Variants in MICU3 observed in about 807,000 individuals in gnomAD.
MICU3 encodes calcium uptake protein 3, mitochondrial.
A neutral mutation model predicts 66.5 loss-of-function variants in MICU3; 62 were observed. That is an observed-to-expected ratio of 0.93 (90% CI 0.76 to 1.15). The LOEUF (loss-of-function observed/expected upper bound fraction) is 1.15, where lower values mean the gene tolerates loss of function less well. MICU3 is among the 50% of genes most tolerant of loss of function. The pLI is 0.00. For missense variants in MICU3, 779 were observed against 664.4 expected, an observed-to-expected ratio of 1.17 and a Z score of -1.90; for synonymous variants, 308 against 240.7, an observed-to-expected ratio of 1.28 and a Z score of -2.59.
At chr8:17,090,441 C>A in intron 7 of MICU3, 105 bp from the exon 8 acceptor site, 1 of 867,280 alleles carries the variant, frequency 1.2e-6, no homozygotes, top group Non-Finnish European at 1.8e-6. Flanking sequence ...AATGATTTGC[C>A]CTTCCTAATT....
At chr8:17,058,282 G>A (rs709847) in intron 1 of MICU3, among the ~76,000 whole-genome samples, 1 of 152,054 alleles carries the variant, frequency 6.6e-6, no homozygotes, top group East Asian at 1.9e-4. Flanking sequence ...AGATATATTG[G>A]ATCTAGGTAA....
intron 11 of MICU3, among the ~76,000 whole-genome samples, chr8:17,110,652 C>T (rs1315590063): frequency 6.6e-6 from 1 of 152,064 alleles, no homozygotes; most frequent in Non-Finnish European, 1.5e-5. Flanking sequence ...TAGCCCCGAA[C>T]TCCTTGGCTC....
chr8:17,036,293 A>G (rs1812972384), intron 1 of MICU3, among the ~76,000 whole-genome samples: 1 of 152,058 alleles, frequency 6.6e-6, no homozygotes, highest in Admixed American at 6.6e-5. Context: ...CTTCGCTGTG[A>G]GTGTTACAGC....
At chr8:17,077,730 AT>A in intron 3 of MICU3, 52 bp from the exon 4 acceptor site, 1 of 1,260,496 alleles carries the variant, frequency 7.9e-7, no homozygotes, top group South Asian at 1.3e-5. Flanking sequence ...TTTTTGATCT[AT>A]TTTATTAGTA....
chr8:17,113,470 AC>A (rs1440987998), intron 11 of MICU3, among the ~76,000 whole-genome samples: 1 of 152,176 alleles, frequency 6.6e-6, no homozygotes, highest in African/African-American at 2.4e-5. Context: ...CACCCTGACC[AC>A]CAGTCCTTTA....
intron 1 of MICU3, among the ~76,000 whole-genome samples, chr8:17,056,592 T>C (rs1816967789): frequency 6.6e-6 from 1 of 152,196 alleles, no homozygotes; most frequent in Non-Finnish European, 1.5e-5. Flanking sequence ...CTGGTGTGAC[T>C]GGAGGAAAGG....
intron 1 of MICU3, among the ~76,000 whole-genome samples, chr8:17,052,982 T>G (rs1356812237): frequency 6.6e-6 from 1 of 152,204 alleles, no homozygotes; most frequent in Non-Finnish European, 1.5e-5. Flanking sequence ...GTTGCCAACA[T>G]AGGGTAAATC....
Position 17,027,466 on chromosome 8 carries a change from C to A in MICU3, c.187C>A (p.Arg63Ser). 7.7e-7 allele frequency: 1 copy of A among 1,292,116 alleles called. No homozygotes were observed. The highest frequency in any genetic ancestry group is 3.1e-5 in the East Asian group (1 of 32,192). The allele number at this position is 1,292,116 out of a possible 1,614,324, so 80.0% of individuals were successfully genotyped here. A position where few individuals can be genotyped will look rare whatever the true frequency, so the allele number is the denominator to read the frequency against. ...GGAGGCGGCATGGAGGCGGCGGCGG[C>A]GCTGGGGGGAGCTGAGCGTGGCGGC... ...VAEAAWRRRR[R>S]WGELSVAAAA... is the part of the protein sequence containing the mutation. Residue 63 changes from arginine to serine, a missense_variant, in exon 1 of 15, where the codon CGC (arginine) becomes AGC (serine). Coordinates refer to ENST00000318063, the MANE Select transcript of MICU3 (RefSeq NM_181723.3).
chr8:17,070,585 C>T (rs911736085), intron 3 of MICU3, among the ~76,000 whole-genome samples: 7 of 151,428 alleles, frequency 4.6e-5, no homozygotes, highest in African/African-American at 1.7e-4. Flanking sequence ...TTTAAGTTAA[C>T]TATTTCTTAA....
chr8:17,130,796 A>G, the MICU3 span, among the ~76,000 whole-genome samples: 3 of 152,208 alleles, frequency 2.0e-5, no homozygotes, highest in Non-Finnish European at 2.9e-5. Context: ...GGTACAACAA[A>G]TAGAATAAAA....
intron 11 of MICU3, among the ~76,000 whole-genome samples, chr8:17,106,923 C>G (rs765107050): frequency 4.6e-5 from 7 of 152,044 alleles, no homozygotes; most frequent in Non-Finnish European, 8.8e-5. Context: ...CCCCTCCTTC[C>G]GCCTACTTAA....
intron 12 of MICU3, 132 bp downstream of exon 12, chr8:17,114,333 G>C (rs1802489065): frequency 1.7e-6 from 1 of 578,152 alleles, no homozygotes; most frequent in Admixed American, 3.1e-5. Flanking sequence ...TACTTTCAGT[G>C]ACAAGTCAGT....
intron 2 of MICU3, among the ~76,000 whole-genome samples, chr8:17,066,957 G>A (rs142695252): frequency 2.4e-3 from 371 of 152,176 alleles, no homozygotes; most frequent in African/African-American, 8.6e-3. Flanking sequence ...AATAACTTTT[G>A]TGGTGATTCT....
intron 11 of MICU3, 117 bp from the exon 12 acceptor site, chr8:17,113,976 T>C (rs889393334): frequency 1.7e-6 from 1 of 581,646 alleles, no homozygotes; most frequent in African/African-American, 1.9e-5. Context: ...GCCCTGGAAA[T>C]GTTTACTTAC....
chr8:17,137,350 T>G, the MICU3 span, among the ~76,000 whole-genome samples: 3 of 151,976 alleles, frequency 2.0e-5, no homozygotes, highest in African/African-American at 7.2e-5. Context: ...ATTTTTTTTC[T>G]CCCAGTGGCT....
chr8:17,131,610 T>G, the MICU3 span: 2 of 152,366 alleles, frequency 1.3e-5, no homozygotes, highest in Admixed American at 1.3e-4. Context: ...CCATACCATC[T>G]GGGAAATCCC....
At chr8:17,118,180 C>G (rs1466384220) in intron 13 of MICU3, among the ~76,000 whole-genome samples, 1 of 152,030 alleles carries the variant, frequency 6.6e-6, no homozygotes, top group East Asian at 1.9e-4. Flanking sequence ...GAAACGTTTG[C>G]CACTGTACTG....
At chr8:17,107,697 C>A (rs111661773) in intron 11 of MICU3, among the ~76,000 whole-genome samples, 2 of 152,108 alleles carry the variant, frequency 1.3e-5, no homozygotes, top group African/African-American at 4.8e-5. Flanking sequence ...GCAACAGAGA[C>A]CATGTAGCCA....
chr8:17,117,246 A>G (rs1049050938), intron 13 of MICU3, among the ~76,000 whole-genome samples: 2 of 152,102 alleles, frequency 1.3e-5, no homozygotes, highest in Admixed American at 1.3e-4. Context: ...CCAAAGTGCT[A>G]AGATTACAGG....
Sources: gnomAD v4.1 joint callset for allele counts (sites outside exome capture counted in the v4.1 genomes callset) on GRCh38, gnomAD v4.1.1 for gene constraint, MANE v1.5 for transcripts, NCBI Gene and HGNC (gene_info 2026-07-23, HGNC 2026-07-21) for gene names.